The following KCNJ10 variants were observed in gnomAD, a reference collection of about 807,000 sequenced individuals.
The protein encoded by KCNJ10 is ATP-sensitive inward rectifier potassium channel 10.
Under a neutral mutation model 22.2 loss-of-function variants are expected in KCNJ10, and 9 were observed. The ratio of observed to expected loss-of-function variants is 0.40; its 90% CI spans 0.24 to 0.71. KCNJ10 has a LOEUF of 0.71. Ranked by LOEUF, KCNJ10 falls within the 30% of genes least tolerant of loss-of-function variation. The pLI is 0.35. For synonymous variants in KCNJ10, 184 were observed against 187.3 expected (o/e 0.98, Z 0.15); for missense variants, 337 against 482.7 (o/e 0.70, Z 2.83).
In KCNJ10 at chr1:160,042,391, G is replaced by A. The variant is rs754056344; in HGVS notation, c.142C>T (p.Arg48Cys). Residue 48 changes from arginine (R) to cysteine (C), a missense_variant, in exon 2 of 2, where the codon CGC becomes TGC. By Grantham distance (180) the Arg-to-Cys change is radical. This residue lies in a region of KCNJ10 where 107 missense variants were observed against 135.2 expected (regional missense o/e 0.79). Coordinates refer to ENST00000644903, the MANE Select transcript of KCNJ10 (RefSeq NM_002241.5). ...NVRMEHIADK[R>C]FLYLKDLWTT... ...CACAGGTCCTTGAGGTAGAGGAAGC[G>A]CTTGTCGGCAATGTGCTCCATTCTC... 8.7e-6 allele frequency: 14 copies of A among 1,614,002 alleles called. No homozygotes were observed. Among genetic ancestry groups the A allele is most frequent in the South Asian group, 5.5e-5 (5 of 91,082 alleles).
intron 1 of KCNJ10, chr1:160,065,157 T>C (rs1649291610): frequency 6.6e-6 from 1 of 152,148 alleles, no homozygotes; most frequent in South Asian, 2.1e-4. Context: ...GGTGAAGCCA[T>C]GTCTACAGGA....
intron 1 of KCNJ10, among the ~76,000 whole-genome samples, chr1:160,051,944 CT>C (rs1267491845): frequency 6.6e-6 from 1 of 152,108 alleles, no homozygotes; most frequent in Admixed American, 6.5e-5. Flanking sequence ...CCTTCTTTTC[CT>C]TATGGTTTCT....
At chr1:160,065,707 G>A (rs1649308933) in intron 1 of KCNJ10, among the ~76,000 whole-genome samples, 1 of 152,146 alleles carries the variant, frequency 6.6e-6, no homozygotes, top group African/African-American at 2.4e-5. Context: ...ATATGGGGCT[G>A]GAGGGGATGG....
chr1:160,053,262 T>G (rs940042433), intron 1 of KCNJ10, among the ~76,000 whole-genome samples: 1 of 152,176 alleles, frequency 6.6e-6, no homozygotes, highest in Non-Finnish European at 1.5e-5. Flanking sequence ...CCATATTATC[T>G]GTTTTTGGAT....
chr1:160,060,553 G>A (rs998119769), intron 1 of KCNJ10, among the ~76,000 whole-genome samples: 1 of 152,140 alleles, frequency 6.6e-6, no homozygotes, highest in African/African-American at 2.4e-5. Flanking sequence ...AAACATCATG[G>A]AGATTAGCAC....
chr1:160,058,374 C>T (rs150317476), intron 1 of KCNJ10, among the ~76,000 whole-genome samples: 8 of 152,260 alleles, frequency 5.3e-5, no homozygotes, highest in African/African-American at 1.9e-4. Flanking sequence ...AAACTGAGGC[C>T]CACTGTGGGA....
chr1:160,068,631 A>C lies in KCNJ10; in HGVS notation c.-1+1391T>G, dbSNP rs188973948. Among the ~76,000 whole-genome samples the C allele has an allele frequency of 7.9e-5, 12 of 152,268 alleles. No individual in the cohort carries two copies. In the East Asian group the frequency reaches 2.3e-3, roughly 29 times the overall value. ...CTCCCTCGTTTCTTCCTCCCTGAAG[A>C]ACCAGCTATGAGTCAGGATGCCTGG... On this transcript the variant is annotated intron_variant, in intron 1 of 1. Transcript: ENST00000644903.
rs1006896104 is a variant in KCNJ10 at position 160,040,613 on chromosome 1, G to T, written c.*780C>A. 7.5e-6 allele frequency: 3 copies of T among 398,822 alleles called. No homozygotes were observed. The highest frequency in any genetic ancestry group is 1.3e-5 in the Non-Finnish European group (3 of 226,220). 24.7% of individuals were successfully genotyped at this position (398,822 alleles called of 1,614,324 possible). ...CTTCTCTGGGCTGCCTGGAAGATAGGTTTAAAGGTTTAGATAACAACTTGT... is the reference window on the plus strand; with the variant it reads ...CTTCTCTGGGCTGCCTGGAAGATAGTTTTAAAGGTTTAGATAACAACTTGT... On this transcript the variant is annotated 3_prime_UTR_variant, in exon 2 of 2. Coordinates refer to ENST00000644903, the MANE Select transcript of KCNJ10 (RefSeq NM_002241.5).
chr1:160,054,215 C>G (rs1648971891), intron 1 of KCNJ10, among the ~76,000 whole-genome samples: 2 of 152,218 alleles, frequency 1.3e-5, no homozygotes, highest in African/African-American at 4.8e-5. Flanking sequence ...CCTGAGTCAT[C>G]ACCCCATCCC....
intron 1 of KCNJ10, among the ~76,000 whole-genome samples, chr1:160,056,606 C>A (rs1571272564): frequency 6.6e-6 from 1 of 152,362 alleles, no homozygotes; most frequent in South Asian, 2.1e-4. Context: ...AATAGTTACT[C>A]TCCCTCTATG....
In KCNJ10 at chr1:160,039,763, A is replaced by C. The variant is rs1204745240; in HGVS notation, c.*1630T>G. The C allele has an allele frequency of 6.6e-6, 1 of 152,244 alleles. No homozygotes were observed. Among genetic ancestry groups the C allele is most frequent in the Non-Finnish European group, 1.5e-5 (1 of 68,048 alleles). 9.4% of individuals were successfully genotyped at this position (152,244 alleles called of 1,614,324 possible). On this transcript the variant is annotated 3_prime_UTR_variant, in exon 2 of 2. Coordinates refer to ENST00000644903, the MANE Select transcript of KCNJ10 (RefSeq NM_002241.5). ...ACATAGATGCATGTATATATTCTGTAGCTTGTAACAATTGGCTGAGACCAC... is the reference window on the plus strand; with the variant it reads ...ACATAGATGCATGTATATATTCTGTCGCTTGTAACAATTGGCTGAGACCAC...
At chr1:160,053,044 A>G (rs1239193517) in intron 1 of KCNJ10, among the ~76,000 whole-genome samples, 1 of 152,238 alleles carries the variant, frequency 6.6e-6, no homozygotes, top group Non-Finnish European at 1.5e-5. Flanking sequence ...TCATCCCTGT[A>G]GATTCTAGGG....
chr1:160,040,493 T>C lies in KCNJ10; in HGVS notation c.*900A>G. The C allele has an allele frequency of 2.5e-6, 1 of 398,612 alleles. No individual in the cohort carries two copies. The allele number at this position is 398,612 out of a possible 1,614,324, so 24.7% of individuals were successfully genotyped here. A position where few individuals can be genotyped will look rare whatever the true frequency, so the allele number is the denominator to read the frequency against. ...AGGTACAGTGTAATCTGGAATATTA[T>C]TTTCAGACCTTTCCATGGGGCCTGG... is the stretch of plus-strand genomic sequence containing the variant. On this transcript the variant is annotated 3_prime_UTR_variant, in exon 2 of 2. Transcript: ENST00000644903.
intron 1 of KCNJ10, among the ~76,000 whole-genome samples, chr1:160,055,229 G>T (rs937158582): frequency 6.6e-6 from 1 of 152,178 alleles, no homozygotes; most frequent in Non-Finnish European, 1.5e-5. Context: ...ATGGGGTTTT[G>T]AAGTCTACAA....
intron 1 of KCNJ10, among the ~76,000 whole-genome samples, chr1:160,067,338 G>C (rs991561756): frequency 6.6e-6 from 1 of 152,174 alleles, no homozygotes; most frequent in Non-Finnish European, 1.5e-5. Flanking sequence ...AAACATGTAG[G>C]CTAAACTCAA....
At chr1:160,043,272 AAC>A (rs779402094) in intron 1 of KCNJ10, among the ~76,000 whole-genome samples, 360 of 132,730 alleles carry the variant, frequency 2.7e-3, no homozygotes, top group Admixed American at 4.3e-3. Flanking sequence ...TCCCCCTTAA[AAC>A]ACACACACAC....
At chr1:160,068,351 C>T (rs1489680543) in intron 1 of KCNJ10, among the ~76,000 whole-genome samples, 2 of 152,108 alleles carry the variant, frequency 1.3e-5, no homozygotes, top group South Asian at 4.1e-4. Flanking sequence ...GCTGCTCAGG[C>T]TCTGAGTGGG....
intron 1 of KCNJ10, among the ~76,000 whole-genome samples, chr1:160,055,617 TGACGGGA>T (rs1442580303): frequency 6.6e-6 from 1 of 152,144 alleles, no homozygotes; most frequent in Non-Finnish European, 1.5e-5. Context: ...AATACAGAGG[TGACGGGA>T]GAGTTCCATG....
intron 1 of KCNJ10, among the ~76,000 whole-genome samples, chr1:160,058,809 G>A (rs980638259): frequency 4.6e-5 from 7 of 152,022 alleles, no homozygotes; most frequent in Middle Eastern, 3.2e-3. Flanking sequence ...AAAACCTCTC[G>A]GTTCTTGAAC....
Sources: allele counts gnomAD v4.1 joint callset (sites outside exome capture counted in the v4.1 genomes callset), GRCh38; gene constraint gnomAD v4.1.1; regional missense constraint gnomAD v4.1.1; transcripts MANE v1.5; gene names NCBI Gene and HGNC (gene_info 2026-07-23, HGNC 2026-07-21).